Variants in CNTN4 observed in about 807,000 individuals in gnomAD.
CNTN4 encodes contactin-4.
A neutral mutation model predicts 122.5 loss-of-function variants in CNTN4; 77 were observed. The observed-to-expected ratio is 0.63, with a 90% CI of 0.52 to 0.76. CNTN4 has a LOEUF of 0.76. CNTN4 is among the 30% of genes least tolerant of loss of function. CNTN4 has a pLI of 0.00. For missense variants in CNTN4, 1,256 were observed against 1,259.1 expected (o/e 1.00, Z 0.04); for synonymous variants, 512 against 447.0 (o/e 1.15, Z -1.83).
At chr3:2,376,245 C>T (rs1341053713) in intron 3 of CNTN4, among the ~76,000 whole-genome samples, 4 of 152,180 alleles carry the variant, frequency 2.6e-5, no homozygotes, top group Non-Finnish European at 4.4e-5. Context: ...TCTCCTTTAA[C>T]AGTTTCTATC....
At chr3:2,909,817 A>AGT (rs1310694326) in intron 12 of CNTN4, among the ~76,000 whole-genome samples, 1 of 152,200 alleles carries the variant, frequency 6.6e-6, no homozygotes, top group Non-Finnish European at 1.5e-5. Flanking sequence ...GTAGCTCTAG[A>AGT]GTGGGGCCTG....
At position 2,944,260 on chromosome 3, in the gene CNTN4, A is replaced by G. The variant is rs559996764; in HGVS notation, c.1358+18481A>G. Among the ~76,000 whole-genome samples, 39 of 152,230 alleles carry G rather than the reference A, an allele frequency of 2.6e-4. No homozygotes were observed. In the East Asian group the frequency reaches 7.3e-3, roughly 29 times the overall value. ...TATTAAATTTTATATTAACAGCAAC[A>G]TTTTGAGATAACTAGAGCATAAATT... On this transcript the variant is annotated intron_variant, in intron 13 of 24. Transcript: ENST00000418658.
intron 23 of CNTN4, among the ~76,000 whole-genome samples, chr3:3,048,257 T>G (rs1464736175): frequency 6.6e-6 from 1 of 151,952 alleles, no homozygotes; most frequent in African/African-American, 2.4e-5. Flanking sequence ...AAAAATACAA[T>G]GAAAATGACA....
At chr3:2,266,711 G>A (rs2041064730) in intron 2 of CNTN4, among the ~76,000 whole-genome samples, 2 of 152,024 alleles carry the variant, frequency 1.3e-5, no homozygotes, top group Non-Finnish European at 2.9e-5. Context: ...GTAAGGAACA[G>A]CATTGCTATT....
At chr3:2,520,059 A>G (rs781236714) in intron 3 of CNTN4, among the ~76,000 whole-genome samples, 53 of 152,138 alleles carry the variant, frequency 3.5e-4, no homozygotes, top group Non-Finnish European at 6.0e-4. Flanking sequence ...TTAAGAAATC[A>G]TATTACAGGT....
At position 2,450,196 on chromosome 3, in the gene CNTN4, A is replaced by G. The variant is rs115654223; in HGVS notation, c.-89+110963A>G. Among the ~76,000 whole-genome samples, 484 of 152,056 alleles carry G rather than the reference A, an allele frequency of 3.2e-3. 5 individuals are homozygous for G. Among genetic ancestry groups the G allele is most frequent in the African/African-American group, 0.011 (466 of 41,488 alleles). On this transcript the variant is annotated intron_variant, in intron 3 of 24. Coordinates refer to ENST00000418658, the MANE Select transcript of CNTN4 (RefSeq NM_175607.3). ...CTCCTGGCAATATGACAAAAATCCAATCTCTACAAAAAATACAGAAATTAG... is the reference window on the plus strand; with the variant it reads ...CTCCTGGCAATATGACAAAAATCCAGTCTCTACAAAAAATACAGAAATTAG...
chr3:2,115,367 A>G (rs926175428), intron 2 of CNTN4, among the ~76,000 whole-genome samples: 2 of 152,166 alleles, frequency 1.3e-5, no homozygotes, highest in South Asian at 2.1e-4. Flanking sequence ...TGCGCTCTCC[A>G]TATCCTTTTG....
At chr3:2,787,796 T>G (rs1223932738) in intron 6 of CNTN4, among the ~76,000 whole-genome samples, 2 of 145,442 alleles carry the variant, frequency 1.4e-5, no homozygotes, top group African/African-American at 2.7e-5. Context: ...GGTTTTTGTT[T>G]TTTTTTTTTT....
intron 3 of CNTN4, among the ~76,000 whole-genome samples, chr3:2,550,328 G>A (rs149623044): frequency 8.3e-4 from 126 of 151,886 alleles, no homozygotes; most frequent in African/African-American, 2.8e-3. Flanking sequence ...ACATTTATGC[G>A]GCCAACAAAC....
intron 3 of CNTN4, among the ~76,000 whole-genome samples, chr3:2,400,391 GTGTA>G (rs1299382266): frequency 1.6e-5 from 2 of 124,486 alleles, no homozygotes; most frequent in Non-Finnish European, 3.5e-5. Context: ...TGTGTGGTGT[GTGTA>G]TGTGTGTGAA....
intron 3 of CNTN4, among the ~76,000 whole-genome samples, chr3:2,366,634 G>C (rs1361138249): frequency 1.3e-5 from 2 of 152,002 alleles, no homozygotes. Flanking sequence ...AACTGAGGCA[G>C]GAGAATCACT....
At chr3:2,798,108 T>C (rs1250313852) in intron 6 of CNTN4, among the ~76,000 whole-genome samples, 1 of 150,298 alleles carries the variant, frequency 6.7e-6, no homozygotes, top group Non-Finnish European at 1.5e-5. Context: ...GTGTCTATTA[T>C]TTCACATTCT....
At chr3:2,812,213 C>T (rs1201001359) in intron 6 of CNTN4, among the ~76,000 whole-genome samples, 4 of 152,144 alleles carry the variant, frequency 2.6e-5, no homozygotes, top group African/African-American at 9.7e-5. Context: ...ATCTGTACAA[C>T]AAACCCCCAT....
chr3:2,475,713 G>A (rs1402608941), intron 3 of CNTN4, among the ~76,000 whole-genome samples: 1 of 152,060 alleles, frequency 6.6e-6, no homozygotes, highest in Non-Finnish European at 1.5e-5. Flanking sequence ...ATTAACAACA[G>A]TAATGCAAAA....
intron 3 of CNTN4, among the ~76,000 whole-genome samples, chr3:2,488,611 G>C (rs914196078): frequency 2.0e-5 from 3 of 152,064 alleles, no homozygotes; most frequent in Non-Finnish European, 4.4e-5. Flanking sequence ...TGTAAGTATA[G>C]CTTACATTCA....
chr3:2,122,348 A>T (rs1461219791), intron 2 of CNTN4, among the ~76,000 whole-genome samples: 1 of 152,008 alleles, frequency 6.6e-6, no homozygotes, highest in Non-Finnish European at 1.5e-5. Flanking sequence ...CATATAACTG[A>T]TTTTGTCAGT....
chr3:2,964,352 T>G (rs1692082477), intron 13 of CNTN4, among the ~76,000 whole-genome samples: 1 of 152,170 alleles, frequency 6.6e-6, no homozygotes, highest in Non-Finnish European at 1.5e-5. Flanking sequence ...ATTATGAATA[T>G]CCAATGTGAG....
chr3:2,116,470 G>C (rs531863412), intron 2 of CNTN4, among the ~76,000 whole-genome samples: 4 of 152,100 alleles, frequency 2.6e-5, no homozygotes, highest in Non-Finnish European at 4.4e-5. Context: ...CCCCACGCTA[G>C]GTAATACCGA....
At chr3:2,168,569 ATAAAT>A (rs1301608691) in intron 2 of CNTN4, among the ~76,000 whole-genome samples, 1 of 151,970 alleles carries the variant, frequency 6.6e-6, no homozygotes, top group African/African-American at 2.4e-5. Context: ...ATAAAACAAA[ATAAAT>A]TAATAAAAAG....
Sources: gnomAD v4.1 joint callset for allele counts (sites outside exome capture counted in the v4.1 genomes callset) on GRCh38, gnomAD v4.1.1 for gene constraint, MANE v1.5 for transcripts, NCBI Gene and HGNC (gene_info 2026-07-23, HGNC 2026-07-21) for gene names.